The following KIF18B variants were observed in gnomAD, a reference collection of about 807,000 sequenced individuals.
The protein encoded by KIF18B is kinesin-like protein KIF18B.
A neutral mutation model predicts 80.9 loss-of-function variants in KIF18B; 49 were observed. That is an observed-to-expected ratio of 0.61 (90% CI 0.48 to 0.77). KIF18B has a LOEUF of 0.77. Ranked by LOEUF, KIF18B falls within the 30% of genes least tolerant of loss-of-function variation. The probability of loss-of-function intolerance (pLI) is 0.00; values close to 1 mark genes in which losing one functional copy is unlikely to be tolerated. For missense variants in KIF18B, 994 were observed against 1,127.7 expected (o/e 0.88, Z 1.70); for synonymous variants, 439 against 463.9 (o/e 0.95, Z 0.69).
At chr17:44,941,161 A>G (rs2052407527) in intron 1 of KIF18B, among the ~76,000 whole-genome samples, 1 of 152,154 alleles carries the variant, frequency 6.6e-6, no homozygotes, top group Non-Finnish European at 1.5e-5. Flanking sequence ...ATTCCAATCC[A>G]GGCAGTCTGA....
Position 44,934,056 on chromosome 17 carries a change from C to T in KIF18B, c.929G>A (p.Arg310His), listed in dbSNP as rs1238895693. The T allele has an allele frequency of 2.5e-6, 4 of 1,612,304 alleles. No homozygotes were observed. The highest frequency in any genetic ancestry group is 2.2e-5 in the East Asian group (1 of 44,858). ...GCCCCCGAGGGAGTCTTTGAGCAGGCGGGTCAGTTTGCTGTCCCGGTAGGG... is the reference window on the plus strand; with the variant it reads ...GCCCCCGAGGGAGTCTTTGAGCAGGTGGGTCAGTTTGCTGTCCCGGTAGGG... ...HVPYRDSKLT[R>H]LLKDSLGGNC... is the part of the protein sequence containing the mutation. The change falls in exon 7 of 16, where the codon CGC becomes CAC. Residue 310 changes from arginine (R) to histidine (H), a missense_variant. By Grantham distance (29) the Arg-to-His change is conservative. Transcript: ENST00000593135. The surrounding 1 kb of genome is among the most constrained non-coding windows in gnomAD (Gnocchi z 5.4).
Position 44,932,079 on chromosome 17 carries a change from C to T in KIF18B, c.1366G>A (p.Glu456Lys). ...SSDQEQSPEDEDEGPAEEVPT... is the reference protein window; with the variant it reads ...SSDQEQSPEDKDEGPAEEVPT... ...ACCTCCTCAGCTGGGCCTTCATCCT[C>T]ATCCTCTGGGGACTGCTCCTGGTCT... Residue 456 changes from glutamate (E) to lysine (K), a missense_variant, in exon 10 of 16, where the codon GAG (glutamate) becomes AAG (lysine). Transcript: ENST00000593135. The T allele has an allele frequency of 2.5e-6, 4 of 1,613,428 alleles. No individual in the cohort carries two copies. Among genetic ancestry groups the T allele is most frequent in the Non-Finnish European group, 3.4e-6 (4 of 1,179,618 alleles).
intron 1 of KIF18B, among the ~76,000 whole-genome samples, chr17:44,936,563 T>A (rs1465738850): frequency 0.084 from 3,324 of 39,408 alleles, 184 homozygotes; most frequent in African/African-American, 0.12. Context: ...TGACTCTCTC[T>A]CTCTCTCTCT....
Position 44,934,666 on chromosome 17 carries a change from CT to C in KIF18B, c.577-50del, listed in dbSNP as rs1567793209. On this transcript the variant is annotated intron_variant, in intron 4 of 15. Transcript: ENST00000593135. This position sits in a 1 kb window ranked among gnomAD's most constrained non-coding sequence, Gnocchi z 5.4. ...GGGGCTGTGGGTTCCCGGATCAGGA[CT>C]TTTCCCCTAACAGGAAGGGCTGCTC... 4 of 1,469,796 alleles carry C rather than the reference CT, an allele frequency of 2.7e-6. No individual in the cohort carries two copies. Among genetic ancestry groups the C allele is most frequent in the Non-Finnish European group, 3.7e-6 (4 of 1,089,078 alleles). The allele number at this position is 1,469,796 out of a possible 1,614,324, so 91.0% of individuals were successfully genotyped here.
At position 44,927,879 on chromosome 17, in the gene KIF18B, G is replaced by T; in HGVS notation, c.2276+147C>A. 2.9e-6 allele frequency: 2 copies of T among 701,036 alleles called. No homozygotes were observed. Among genetic ancestry groups the T allele is most frequent in the Non-Finnish European group, 4.2e-6 (2 of 472,824 alleles). 43.4% of individuals were successfully genotyped at this position (701,036 alleles called of 1,614,324 possible). ...CCTCCCTGGCAGCTGTTGGGCCTGGGGAGCAAAGCGGATCACAACCAAAGT... is the reference window on the plus strand; with the variant it reads ...CCTCCCTGGCAGCTGTTGGGCCTGGTGAGCAAAGCGGATCACAACCAAAGT... On this transcript the variant is annotated intron_variant, in intron 13 of 15. Transcript: ENST00000593135. This position sits in a 1 kb window ranked among gnomAD's most constrained non-coding sequence, Gnocchi z 4.1.
chr17:44,938,873 C>T (rs777116266), intron 1 of KIF18B, among the ~76,000 whole-genome samples: 2 of 151,122 alleles, frequency 1.3e-5, no homozygotes, highest in Non-Finnish European at 2.9e-5. Flanking sequence ...GAAGAAACCC[C>T]GTCTCTACTG....
chr17:44,928,732 C>T, intron 12 of KIF18B, 87 bp downstream of exon 12: 1 of 1,447,508 alleles, frequency 6.9e-7, no homozygotes, highest in Admixed American at 2.2e-5. Flanking sequence ...AACCCAGCAA[C>T]TGAGGCCCCT....
Position 44,934,024 on chromosome 17 carries a change from G to T in KIF18B, c.961C>A (p.Arg321Ser). Residue 321 changes from arginine to serine, a missense_variant, in exon 7 of 16, where the codon CGC becomes AGC. By Grantham distance (110) the Arg-to-Ser change is moderately radical. Transcript: ENST00000593135. This position sits in a 1 kb window ranked among gnomAD's most constrained non-coding sequence, Gnocchi z 5.4. ...LLKDSLGGNC[R>S]TVMIAAISPS... ...CTGATGGCAGCGATCATCACTGTGC[G>T]GCAGTTGCCCCCGAGGGAGTCTTTG... is the stretch of plus-strand genomic sequence containing the variant. 1.9e-6 allele frequency: 3 copies of T among 1,611,812 alleles called. No homozygotes were observed. Among genetic ancestry groups the T allele is most frequent in the Non-Finnish European group, 2.5e-6 (3 of 1,179,174 alleles).
intron 12 of KIF18B, 98 bp from the exon 13 acceptor site, chr17:44,928,676 G>C (rs2052083503): frequency 7.2e-7 from 1 of 1,384,272 alleles, no homozygotes; most frequent in African/African-American, 1.5e-5. Context: ...GCCTCTCTGT[G>C]TGCAGAAGTC....
chr17:44,934,679 A>G lies in KIF18B; in HGVS notation c.577-62T>C. 7.1e-7 allele frequency: 1 copy of G among 1,404,184 alleles called. No individual in the cohort carries two copies. The highest frequency in any genetic ancestry group is 9.7e-7 in the Non-Finnish European group (1 of 1,035,222). 87.0% of individuals were successfully genotyped at this position (1,404,184 alleles called of 1,614,324 possible). Reference sequence around the variant, plus strand: ...CCCGGATCAGGACTTTTCCCCTAACAGGAAGGGCTGCTCTTCAGAATCTAC... The same window carrying G: ...CCCGGATCAGGACTTTTCCCCTAACGGGAAGGGCTGCTCTTCAGAATCTAC... On this transcript the variant is annotated intron_variant, in intron 4 of 15. Coordinates refer to ENST00000593135, the MANE Select transcript of KIF18B (RefSeq NM_001265577.2). This position sits in a 1 kb window ranked among gnomAD's most constrained non-coding sequence, Gnocchi z 5.4.
Position 44,934,429 on chromosome 17 carries a change from A to G in KIF18B, c.689T>C (p.Ile230Thr). The change falls in exon 6 of 16, where the codon ATC (isoleucine) becomes ACC (threonine). Residue 230 changes from isoleucine (I) to threonine (T), a missense_variant and splice_region_variant. Transcript: ENST00000593135. The surrounding 1 kb of genome is among the most constrained non-coding windows in gnomAD (Gnocchi z 5.4). ...TSSRSHAIFQ[I>T]FVKQQDRVPG... The stretch of plus-strand genomic sequence containing the variant: ...AACCCGGTCCTGCTGCTTCACAAAG[A>G]TCTGAAGGCAGATGGCAGGGGTGAG... 6.2e-7 allele frequency: 1 copy of G among 1,605,610 alleles called. No homozygotes were observed. Among genetic ancestry groups the G allele is most frequent in the Non-Finnish European group, 8.5e-7 (1 of 1,175,306 alleles).
rs2052003472 is a variant in KIF18B, at chr17:44,925,328, TC to T, written c.*751del. 6.6e-6 allele frequency: 1 copy of T among 151,962 alleles called. No homozygotes were observed. The highest frequency in any genetic ancestry group is 6.6e-5 in the Admixed American group (1 of 15,236). 9.4% of individuals were successfully genotyped at this position (151,962 alleles called of 1,614,324 possible). ...CAGGCGTGGTGGTGGGCGCCTGTAG[TC>T]CCAGCTACTTGGGAGGCTGAGGCAG... On this transcript the variant is annotated 3_prime_UTR_variant, in exon 16 of 16. Coordinates refer to ENST00000593135, the MANE Select transcript of KIF18B (RefSeq NM_001265577.2).
intron 1 of KIF18B, among the ~76,000 whole-genome samples, chr17:44,938,330 A>T (rs893039113): frequency 3.9e-5 from 6 of 151,974 alleles, no homozygotes; most frequent in Non-Finnish European, 8.8e-5. Context: ...CAATATATTT[A>T]TGTGCTTTTT....
rs750278445 is a variant in KIF18B at position 44,928,899 on chromosome 17, A to G, written c.1643T>C (p.Ile548Thr). 2 of 1,613,850 alleles carry G rather than the reference A, an allele frequency of 1.2e-6. No homozygotes were observed. The highest frequency in any genetic ancestry group is 1.7e-6 in the Non-Finnish European group (2 of 1,179,836). ...TLQQLVQEEK[I>T]EPGAEALRTS... ...CCTCAAGGCCTCTGCCCCAGGCTCA[A>G]TTTTTTCCTCTTGCACCAGCTGCTG... Residue 548 changes from isoleucine to threonine, a missense_variant, in exon 12 of 16, where the codon ATT (isoleucine) becomes ACT (threonine). Transcript: ENST00000593135.
chr17:44,937,909 T>C (rs1181185884), intron 1 of KIF18B, among the ~76,000 whole-genome samples: 1 of 152,134 alleles, frequency 6.6e-6, no homozygotes, highest in Non-Finnish European at 1.5e-5. Context: ...ATTTCTTCTA[T>C]TCTTGTTTTA....
At chr17:44,935,551 T>G in intron 2 of KIF18B, 135 bp from the exon 3 acceptor site, 2 of 887,994 alleles carry the variant, frequency 2.3e-6, no homozygotes, top group South Asian at 2.0e-5. Flanking sequence ...ACCCTCCATG[T>G]TCCCGCTGCA....
Position 44,934,179 on chromosome 17 carries a change from G to A in KIF18B, c.885+54C>T. 1 of 1,594,700 alleles carries A rather than the reference G, an allele frequency of 6.3e-7. No homozygotes were observed. ...TGGGGCCCTGTGGCCTTTGGCCCTG[G>A]GTTCAGGTGCTCAGTTGCTATCCTG... On this transcript the variant is annotated intron_variant, in intron 6 of 15. Coordinates refer to ENST00000593135, the MANE Select transcript of KIF18B (RefSeq NM_001265577.2). This position sits in a 1 kb window ranked among gnomAD's most constrained non-coding sequence, Gnocchi z 5.4.
At chr17:44,944,237 AT>A (rs111836739) in intron 1 of KIF18B, among the ~76,000 whole-genome samples, 10,301 of 147,130 alleles carry the variant, frequency 0.07, 373 homozygotes, top group Non-Finnish European at 0.083. Context: ...TTGACTTGTA[AT>A]TTTTTTTTTT....
chr17:44,934,591 C>T lies in KIF18B; in HGVS notation c.603G>A (p.Glu201=), dbSNP rs1211740810. The change falls in exon 5 of 16, where the codon GAG becomes GAA. Residue 201 remains glutamate (E), a synonymous_variant. Transcript: ENST00000593135. This position sits in a 1 kb window ranked among gnomAD's most constrained non-coding sequence, Gnocchi z 5.4. ...GGTTACGGTTCCCCCTGGTCAGTAT[C>T]TCCAGCAGCTGCTCGGCTGAGGCTG... The part of the protein sequence containing the change: ...HQPASAEQLL[E]ILTRGNRNRT... 10 of 1,610,704 alleles carry T rather than the reference C, an allele frequency of 6.2e-6. No individual in the cohort carries two copies. The highest frequency in any genetic ancestry group is 5.3e-5 in the African/African-American group (4 of 74,884).
Sources: gnomAD v4.1 joint callset for allele counts (sites outside exome capture counted in the v4.1 genomes callset) on GRCh38, gnomAD v4.1.1 for gene constraint, Gnocchi (gnomAD v3.1) non-coding constraint, MANE v1.5 for transcripts, NCBI Gene and HGNC (gene_info 2026-07-23, HGNC 2026-07-21) for gene names.